Variants in MATCAP2 observed in about 807,000 individuals in gnomAD.
MATCAP2 encodes microtubule associated tyrosine carboxypeptidase 2.
At chr7:36,370,994 T>C in the MATCAP2 span, among the ~76,000 whole-genome samples, 1 of 152,370 alleles carries the variant, frequency 6.6e-6, no homozygotes, top group Middle Eastern at 3.4e-3. Flanking sequence ...GTAAGGATGA[T>C]TTCCATTTAA....
chr7:36,371,350 C>G, the MATCAP2 span, among the ~76,000 whole-genome samples: 1 of 152,212 alleles, frequency 6.6e-6, no homozygotes, highest in East Asian at 1.9e-4. Context: ...TGGACTCAAG[C>G]AATCTGCCTG....
the MATCAP2 span, among the ~76,000 whole-genome samples, chr7:36,353,646 A>G: frequency 1.3e-5 from 2 of 151,758 alleles, no homozygotes; most frequent in African/African-American, 2.4e-5. Context: ...ACGCCCAGCT[A>G]ATTTTTGTAT....
the MATCAP2 span, among the ~76,000 whole-genome samples, chr7:36,376,698 G>A: frequency 2.0e-5 from 3 of 152,134 alleles, no homozygotes; most frequent in East Asian, 5.8e-4. Flanking sequence ...GGGTGTTAAA[G>A]TCTCCCATTA....
chr7:36,358,574 C>A, the MATCAP2 span, among the ~76,000 whole-genome samples: 2 of 152,198 alleles, frequency 1.3e-5, no homozygotes, highest in East Asian at 1.9e-4. Context: ...AAGGAGAGGG[C>A]AGCTTTGTTT....
chr7:36,376,346 T>G, the MATCAP2 span, among the ~76,000 whole-genome samples: 13 of 152,178 alleles, frequency 8.5e-5, no homozygotes, highest in Admixed American at 2.6e-4. Context: ...ATTTCATTAT[T>G]TACCCAGTAG....
chr7:36,348,934 G>A, the MATCAP2 span, among the ~76,000 whole-genome samples: 6 of 152,194 alleles, frequency 3.9e-5, no homozygotes, highest in African/African-American at 9.7e-5. Context: ...CAGGAACTGC[G>A]CTCAATTCTG....
the MATCAP2 span, chr7:36,356,921 G>C: frequency 1.2e-6 from 2 of 1,614,006 alleles, no homozygotes; most frequent in Non-Finnish European, 1.7e-6. Flanking sequence ...AAATCGGTCA[G>C]ATGCGTGGCT....
At chr7:36,357,368 C>T in the MATCAP2 span, 2 of 1,613,938 alleles carry the variant, frequency 1.2e-6, no homozygotes, top group Non-Finnish European at 1.7e-6. Context: ...GGGTTTTCTA[C>T]ATCTTTTGGA....
chr7:36,366,859 G>A, the MATCAP2 span: 8 of 1,500,652 alleles, frequency 5.3e-6, no homozygotes, highest in Non-Finnish European at 7.1e-6. Flanking sequence ...AGCCCCGGGC[G>A]GCGGGACCCC....
chr7:36,356,897 T>C, the MATCAP2 span: 2 of 1,612,690 alleles, frequency 1.2e-6, no homozygotes, highest in African/African-American at 2.7e-5. Flanking sequence ...GAAATGGCAT[T>C]TTACCTGCTT....
chr7:36,354,045 C>G, the MATCAP2 span, among the ~76,000 whole-genome samples: 1 of 152,210 alleles, frequency 6.6e-6, no homozygotes, highest in Non-Finnish European at 1.5e-5. Context: ...AAGCACTGTA[C>G]TCTTTCCTGC....
the MATCAP2 span, among the ~76,000 whole-genome samples, chr7:36,338,961 T>G: frequency 6.6e-6 from 1 of 152,214 alleles, no homozygotes; most frequent in Non-Finnish European, 1.5e-5. Flanking sequence ...TTGTCCTATC[T>G]TTTTAGACCA....
chr7:36,387,900 G>T, the MATCAP2 span, among the ~76,000 whole-genome samples: 1 of 151,650 alleles, frequency 6.6e-6, no homozygotes, highest in South Asian at 2.1e-4. Flanking sequence ...ACACAGACAC[G>T]CCCCAAATAC....
chr7:36,359,762 A>T, the MATCAP2 span, among the ~76,000 whole-genome samples: 3 of 152,224 alleles, frequency 2.0e-5, no homozygotes, highest in Non-Finnish European at 2.9e-5. Flanking sequence ...TCATAGACTT[A>T]CGTGTTGCCA....
At chr7:36,366,823 G>A in the MATCAP2 span, 2 of 1,520,286 alleles carry the variant, frequency 1.3e-6, no homozygotes, top group Middle Eastern at 1.8e-4. Flanking sequence ...CGAGCGGCGC[G>A]CCCAGCCGGT....
the MATCAP2 span, among the ~76,000 whole-genome samples, chr7:36,358,431 T>A: frequency 2.0e-5 from 3 of 152,216 alleles, no homozygotes; most frequent in Non-Finnish European, 4.4e-5. Flanking sequence ...TTAGTATGAA[T>A]AACTGGTTGA....
At chr7:36,372,076 T>G in the MATCAP2 span, among the ~76,000 whole-genome samples, 3 of 118,184 alleles carry the variant, frequency 2.5e-5, no homozygotes, top group African/African-American at 8.2e-5. Context: ...TGCTTGCAAC[T>G]GAAAAAAAAA....
chr7:36,343,408 AAGGGTGGGGGGAGAG>A, the MATCAP2 span, among the ~76,000 whole-genome samples: 1 of 6,172 alleles, frequency 1.6e-4, no homozygotes, highest in Non-Finnish European at 2.9e-4. Flanking sequence ...AGGGGAGGGG[AAGGGTGGGGGGAGAG>A]GAGGGGAGAT....
chr7:36,379,847 C>CAGAGAG, the MATCAP2 span, among the ~76,000 whole-genome samples: 16 of 107,690 alleles, frequency 1.5e-4, no homozygotes, highest in South Asian at 3.3e-4. Flanking sequence ...CACACACACA[C>CAGAGAG]AGAGAGAGAG....
Sources: allele counts gnomAD v4.1 joint callset (sites outside exome capture counted in the v4.1 genomes callset), GRCh38; gene constraint gnomAD v4.1.1; transcripts MANE v1.5; gene names NCBI Gene and HGNC (gene_info 2026-07-23, HGNC 2026-07-21).